Variants in MAGI1 observed in about 807,000 individuals in gnomAD.
MAGI1 encodes the protein membrane-associated guanylate kinase, WW and PDZ domain-containing protein 1.
In MAGI1, 58 loss-of-function variants were observed where a neutral mutation model predicts 139.9. The observed-to-expected ratio is 0.41, with a 90% CI of 0.34 to 0.52. The LOEUF is 0.52. MAGI1 is among the 20% of genes least tolerant of loss of function. The pLI is 0.12. For missense variants in MAGI1, 1,874 were observed against 1,901.6 expected, an observed-to-expected ratio of 0.99 and a Z score of 0.27; for synonymous variants, 812 against 737.9, an observed-to-expected ratio of 1.10 and a Z score of -1.63.
intron 4 of MAGI1, among the ~76,000 whole-genome samples, chr3:65,472,369 G>A (rs969306198): frequency 2.0e-5 from 3 of 152,082 alleles, no homozygotes; most frequent in Admixed American, 1.3e-4. Flanking sequence ...CTGTCCTCCA[G>A]GAAACAGGTT....
chr3:65,356,513 C>G lies in MAGI1; in HGVS notation c.4254G>C (p.Arg1418Ser), dbSNP rs1940202676. The change falls in exon 23 of 23, where the codon AGG (arginine) becomes AGC (serine). Residue 1418 changes from arginine (R) to serine (S), a missense_variant. By Grantham distance (110) the Arg-to-Ser change is moderately radical. Around this residue, in one of 5 missense-constraint regions of MAGI1, gnomAD observed 653 missense variants for 644.5 expected, o/e 1.01. Coordinates refer to ENST00000402939, the MANE Select transcript of MAGI1 (RefSeq NM_001033057.2). ...GGTGGCTGGCTCTGTCCTCTCTGTT[C>G]CTTTTGTCCAGGGACCGCTCTCTCC... Reference protein sequence around the residue: ...ERRRERSLDKRNREDRASHRE... With the variant: ...ERRRERSLDKSNREDRASHRE... The G allele has an allele frequency of 6.2e-7, 1 of 1,611,276 alleles. No individual in the cohort carries two copies. The highest frequency in any genetic ancestry group is 2.2e-5 in the East Asian group (1 of 44,828).
At chr3:65,639,736 C>T (rs912237134) in intron 1 of MAGI1, among the ~76,000 whole-genome samples, 8 of 152,122 alleles carry the variant, frequency 5.3e-5, no homozygotes, top group African/African-American at 1.9e-4. Context: ...GGTGCGGTGG[C>T]TCAGGCCTGT....
chr3:65,723,735 G>C (rs1381927997), intron 1 of MAGI1, among the ~76,000 whole-genome samples: 2 of 152,104 alleles, frequency 1.3e-5, no homozygotes, highest in Non-Finnish European at 2.9e-5. Flanking sequence ...ACAACAAATG[G>C]CAAAATTAGT....
chr3:65,390,966 G>C (rs938881638), intron 14 of MAGI1, among the ~76,000 whole-genome samples, 176 bp downstream of exon 14: 1 of 152,194 alleles, frequency 6.6e-6, no homozygotes, highest in Non-Finnish European at 1.5e-5. Flanking sequence ...TGAAGGCATA[G>C]TGGAGACTCC....
At chr3:65,784,700 G>A (rs955870458) in intron 1 of MAGI1, among the ~76,000 whole-genome samples, 13 of 142,582 alleles carry the variant, frequency 9.1e-5, no homozygotes, top group Non-Finnish European at 1.7e-4. Flanking sequence ...GCGAGACTCC[G>A]TCTCAACAAC....
At chr3:65,428,986 A>G (rs1947274814) in intron 12 of MAGI1, among the ~76,000 whole-genome samples, 1 of 152,138 alleles carries the variant, frequency 6.6e-6, no homozygotes, top group African/African-American at 2.4e-5. Context: ...GAGCTCCATA[A>G]AAGCAGCCAG....
At chr3:65,847,909 C>A (rs2059062167) in intron 1 of MAGI1, among the ~76,000 whole-genome samples, 1 of 152,144 alleles carries the variant, frequency 6.6e-6, no homozygotes, top group Non-Finnish European at 1.5e-5. Flanking sequence ...GTGGCTCACA[C>A]CTGTAGTCCC....
intron 2 of MAGI1, among the ~76,000 whole-genome samples, chr3:65,617,841 T>C (rs1192871043): frequency 6.6e-6 from 1 of 152,222 alleles, no homozygotes. Flanking sequence ...CAAATACTTA[T>C]CCTATAGTCC....
intron 1 of MAGI1, among the ~76,000 whole-genome samples, chr3:65,868,423 G>A (rs527621494): frequency 1.4e-4 from 21 of 152,258 alleles, no homozygotes; most frequent in Middle Eastern, 3.4e-3. Context: ...CGGGTAGAGC[G>A]CAGATTCAAA....
At chr3:65,381,410 T>C (rs1340395791) in intron 16 of MAGI1, among the ~76,000 whole-genome samples, 1 of 151,736 alleles carries the variant, frequency 6.6e-6, no homozygotes, top group Admixed American at 6.6e-5. Context: ...TCTACAACTT[T>C]CTTGTAGAAA....
chr3:65,997,114 A>G (rs1372298998), intron 1 of MAGI1, among the ~76,000 whole-genome samples: 4 of 152,172 alleles, frequency 2.6e-5, no homozygotes, highest in Non-Finnish European at 5.9e-5. Context: ...TCCCCAGGGA[A>G]TGGTTTTTGT....
chr3:65,640,099 A>G (rs563619323), intron 1 of MAGI1, among the ~76,000 whole-genome samples: 2 of 152,116 alleles, frequency 1.3e-5, no homozygotes, highest in African/African-American at 4.8e-5. Context: ...CAGGTCCACC[A>G]GCCTTCAAAC....
At chr3:65,752,520 T>C (rs1161671055) in intron 1 of MAGI1, among the ~76,000 whole-genome samples, 1 of 152,218 alleles carries the variant, frequency 6.6e-6, no homozygotes, top group East Asian at 1.9e-4. Flanking sequence ...AAAATAATCT[T>C]GTAAAATTAC....
chr3:65,625,405 A>G (rs910407140), intron 1 of MAGI1, among the ~76,000 whole-genome samples: 1 of 152,194 alleles, frequency 6.6e-6, no homozygotes, highest in Non-Finnish European at 1.5e-5. Context: ...AAGGAAAAAG[A>G]AAGTAAATCT....
At chr3:65,696,696 A>G (rs2089226323) in intron 1 of MAGI1, among the ~76,000 whole-genome samples, 2 of 152,158 alleles carry the variant, frequency 1.3e-5, no homozygotes, top group Non-Finnish European at 2.9e-5. Context: ...AAAATAAAAT[A>G]TACATTTGGA....
chr3:65,849,089 T>C (rs947525710), intron 1 of MAGI1, among the ~76,000 whole-genome samples: 2 of 131,998 alleles, frequency 1.5e-5, no homozygotes, highest in Admixed American at 8.7e-5. Context: ...AGTGGCGCAA[T>C]CTCGGCTCAC....
At chr3:65,759,063 T>C (rs199768464) in intron 1 of MAGI1, among the ~76,000 whole-genome samples, 2 of 60,016 alleles carry the variant, frequency 3.3e-5, no homozygotes, top group South Asian at 1.5e-3. Context: ...TTAGGCCCAG[T>C]GCAAAAAAAA....
chr3:65,914,728 C>A (rs149020381), intron 1 of MAGI1, among the ~76,000 whole-genome samples: 3 of 152,318 alleles, frequency 2.0e-5, no homozygotes, highest in Non-Finnish European at 4.4e-5. Flanking sequence ...ACAGTATCAA[C>A]CCAAATGTGC....
intron 12 of MAGI1, among the ~76,000 whole-genome samples, chr3:65,404,900 T>G (rs115211084): frequency 1.3e-5 from 2 of 152,206 alleles, no homozygotes; most frequent in Non-Finnish European, 2.9e-5. Flanking sequence ...AAACACTTTG[T>G]ATGCCTTGTG....
Sources: allele counts gnomAD v4.1 joint callset (sites outside exome capture counted in the v4.1 genomes callset), GRCh38; gene constraint gnomAD v4.1.1; regional missense constraint gnomAD v4.1.1; transcripts MANE v1.5; gene names NCBI Gene and HGNC (gene_info 2026-07-23, HGNC 2026-07-21).